The following ZNF777 variants were observed in gnomAD, a reference collection of about 807,000 sequenced individuals.
ZNF777 encodes the protein zinc finger protein 777.
In ZNF777, 7 loss-of-function variants were observed where a neutral mutation model predicts 72.1. The observed-to-expected ratio is 0.10, with a 90% CI of 0.06 to 0.18. The LOEUF (loss-of-function observed/expected upper bound fraction) is 0.18, where lower values mean the gene tolerates loss of function less well. Ranked by LOEUF, ZNF777 falls within the 10% of genes least tolerant of loss-of-function variation. ZNF777 has a pLI of 1.00. For missense variants in ZNF777, 828 were observed against 1,128.6 expected (o/e 0.73, Z 3.82); for synonymous variants, 545 against 483.5 (o/e 1.13, Z -1.67).
rs761179282 is a variant in ZNF777, at chr7:149,451,025, CCCT to C, written c.1058_1060del (p.Glu353del). The C allele has an allele frequency of 1.2e-6, 2 of 1,613,812 alleles. No homozygotes were observed. Among genetic ancestry groups the C allele is most frequent in the African/African-American group, 2.7e-5 (2 of 74,936 alleles). On this transcript the variant is annotated inframe_deletion, in exon 4 of 6. Coordinates refer to ENST00000247930, the MANE Select transcript of ZNF777 (RefSeq NM_015694.3). ...AGCACTGGGATCTGTCGGCGTTTCG[CCCT>C]CCTCAGAGTCTTCCTGCTCCTGCAT...
chr7:149,435,685 C>T (rs528510013), intron 5 of ZNF777, among the ~76,000 whole-genome samples: 3 of 152,108 alleles, frequency 2.0e-5, no homozygotes, highest in Admixed American at 1.3e-4. Flanking sequence ...CACACATAAA[C>T]GAAACATCCA....
At position 149,455,392 on chromosome 7, in the gene ZNF777, C is replaced by T. The variant is rs1472517054; in HGVS notation, c.631G>A (p.Gly211Ser). The T allele has an allele frequency of 6.2e-7, 1 of 1,614,218 alleles. No individual in the cohort carries two copies. The highest frequency in any genetic ancestry group is 1.1e-5 in the South Asian group (1 of 91,086). The change falls in exon 2 of 6, where the codon GGC (glycine) becomes AGC (serine). Residue 211 changes from glycine (G) to serine (S), a missense_variant. Around this residue, in one of 12 missense-constraint regions of ZNF777, gnomAD observed 76 missense variants for 157.3 expected, o/e 0.48. Coordinates refer to ENST00000247930, the MANE Select transcript of ZNF777 (RefSeq NM_015694.3). The surrounding 1 kb of genome is among the most constrained non-coding windows in gnomAD (Gnocchi z 4.2). Reference sequence around the variant, plus strand: ...TTCTTTTCATTTGTCCCCGTCCTGCCTTCCAGGGTCAGTAGCCTCATGGCC... The same window carrying T: ...TTCTTTTCATTTGTCCCCGTCCTGCTTTCCAGGGTCAGTAGCCTCATGGCC... ...AQAMRLLTLE[G>S]RTGTNEKKIA...
In ZNF777 at chr7:149,451,060, C is replaced by G; in HGVS notation, c.1026G>C (p.Arg342=). Residue 342 remains arginine (R), a synonymous_variant, in exon 4 of 6, where the codon CGG becomes CGC. Transcript: ENST00000247930. ...DLMSQMERGE[R]PTMQEQEDSE... is the part of the protein sequence containing the mutation. ...AGTCTTCCTGCTCCTGCATGGTGGGCCGCTCCCCGCGCTCCATCTGTGACA... is the reference window on the plus strand; with the variant it reads ...AGTCTTCCTGCTCCTGCATGGTGGGGCGCTCCCCGCGCTCCATCTGTGACA... The G allele has an allele frequency of 6.2e-7, 1 of 1,613,984 alleles. No homozygotes were observed. The highest frequency in any genetic ancestry group is 1.3e-5 in the African/African-American group (1 of 75,030).
intron 4 of ZNF777, among the ~76,000 whole-genome samples, chr7:149,442,002 C>T (rs1563235628): frequency 6.6e-6 from 1 of 151,160 alleles, no homozygotes; most frequent in Non-Finnish European, 1.5e-5. Context: ...AAACTCCTGA[C>T]GTCAGGAGTT....
chr7:149,460,165 C>G lies in ZNF777; in HGVS notation c.-16+650G>C, dbSNP rs1186305916. ...CGGCCATGGCCCTGCGCTGTCCGGC[C>G]CGGGCCCCCGGAGTCGCCGCCGCTA... On this transcript the variant is annotated intron_variant, in intron 1 of 5. Transcript: ENST00000247930. The surrounding 1 kb of genome is among the most constrained non-coding windows in gnomAD (Gnocchi z 6.1). The G allele has an allele frequency of 1.1e-6, 1 of 950,560 alleles. No homozygotes were observed. Among genetic ancestry groups the G allele is most frequent in the Non-Finnish European group, 1.2e-6 (1 of 800,778 alleles). The allele number at this position is 950,560 out of a possible 1,614,324, so 58.9% of individuals were successfully genotyped here.
chr7:149,454,326 C>G (rs1799780463), intron 2 of ZNF777, 89 bp from the exon 3 acceptor site: 2 of 1,556,546 alleles, frequency 1.3e-6, no homozygotes, highest in South Asian at 2.3e-5. Context: ...ACTCCTGGCT[C>G]TGGGCCTTCA....
rs1799340606 is a variant in ZNF777, at chr7:149,432,739, G to A, written c.1533C>T (p.Pro511=). The change falls in exon 6 of 6, where the codon CCC becomes CCT. Residue 511 remains proline, a synonymous_variant. Transcript: ENST00000247930. The part of the protein sequence containing the change: ...ESPPPLQLGN[P]AVKRLAPSVH... ...CGGAGGGCGCCAGCCTTTTCACTGC[G>A]GGGTTTCCTAGCTGCAGGGGCGGGG... 6 of 1,611,908 alleles carry A rather than the reference G, an allele frequency of 3.7e-6. No homozygotes were observed. The highest frequency in any genetic ancestry group is 4.2e-6 in the Non-Finnish European group (5 of 1,178,536).
chr7:149,460,522 C>T lies in ZNF777; in HGVS notation c.-16+293G>A, dbSNP rs1209578069. 6.6e-6 allele frequency among the ~76,000 whole-genome samples: 1 copy of T among 151,220 alleles called. No homozygotes were observed. The highest frequency in any genetic ancestry group is 1.5e-5 in the Non-Finnish European group (1 of 67,790). The stretch of plus-strand genomic sequence containing the variant: ...CTCCGGCCCCGGCCCCGGCTGCGAG[C>T]TGCGCTGCCGTCCCGGCGCCTCTTT... On this transcript the variant is annotated intron_variant, in intron 1 of 5. Transcript: ENST00000247930. This position sits in a 1 kb window ranked among gnomAD's most constrained non-coding sequence, Gnocchi z 6.1.
At chr7:149,450,252 TGA>T (rs1250323843) in intron 4 of ZNF777, among the ~76,000 whole-genome samples, 1 of 152,180 alleles carries the variant, frequency 6.6e-6, no homozygotes, top group Non-Finnish European at 1.5e-5. Flanking sequence ...GCCTGCAGTG[TGA>T]GTGTGTGAGC....
At chr7:149,439,739 C>T (rs1301056272) in intron 4 of ZNF777, among the ~76,000 whole-genome samples, 1 of 152,154 alleles carries the variant, frequency 6.6e-6, no homozygotes, top group Non-Finnish European at 1.5e-5. Flanking sequence ...TTTAATTTTG[C>T]TTTCATTTCT....
rs1484086263 is a variant in ZNF777 at position 149,460,172 on chromosome 7, C to T, written c.-16+643G>A. On this transcript the variant is annotated intron_variant, in intron 1 of 5. Coordinates refer to ENST00000247930, the MANE Select transcript of ZNF777 (RefSeq NM_015694.3). The surrounding 1 kb of genome is among the most constrained non-coding windows in gnomAD (Gnocchi z 6.1). Reference sequence around the variant, plus strand: ...GGCCCTGCGCTGTCCGGCCCGGGCCCCCGGAGTCGCCGCCGCTACTGCCGC... The same window carrying T: ...GGCCCTGCGCTGTCCGGCCCGGGCCTCCGGAGTCGCCGCCGCTACTGCCGC... The T allele has an allele frequency of 7.8e-6, 7 of 896,396 alleles. No homozygotes were observed. Among genetic ancestry groups the T allele is most frequent in the Non-Finnish European group, 9.3e-6 (7 of 751,532 alleles). The allele number at this position is 896,396 out of a possible 1,614,324, so 55.5% of individuals were successfully genotyped here.
intron 4 of ZNF777, among the ~76,000 whole-genome samples, chr7:149,445,946 G>A (rs1343567925): frequency 3.9e-5 from 6 of 152,160 alleles, no homozygotes; most frequent in African/African-American, 1.4e-4. Flanking sequence ...AAGCAGGTGT[G>A]GGGGTGCAAA....
At chr7:149,453,964 G>C in intron 3 of ZNF777, 147 bp downstream of exon 3, 1 of 1,219,680 alleles carries the variant, frequency 8.2e-7, no homozygotes, top group South Asian at 1.5e-5. Flanking sequence ...ATATGAGGGC[G>C]TTTGCTTTAA....
intron 4 of ZNF777, among the ~76,000 whole-genome samples, chr7:149,448,537 A>ATATATATAAAAC (rs1563237731): frequency 7.2e-6 from 1 of 139,094 alleles, no homozygotes; most frequent in African/African-American, 2.8e-5. Flanking sequence ...ACATATAGTT[A>ATATATATAAAAC]TATATATAGT....
intron 3 of ZNF777, among the ~76,000 whole-genome samples, chr7:149,452,991 T>C (rs151280011): frequency 1.3e-5 from 2 of 152,238 alleles, no homozygotes; most frequent in Non-Finnish European, 2.9e-5. Flanking sequence ...CGTGGAACAC[T>C]GCACTGTCTT....
chr7:149,455,681 T>C lies in ZNF777; in HGVS notation c.342A>G (p.Glu114=), dbSNP rs1799813588. The part of the protein sequence containing the change: ...QYPPPAAAEQ[E]VSLLSHSPHH... ...GGGGGGAGTGGGAGAGAAGGGAGACTTCTTGTTCAGCAGCAGCTGGGGGTG... is the reference window on the plus strand; with the variant it reads ...GGGGGGAGTGGGAGAGAAGGGAGACCTCTTGTTCAGCAGCAGCTGGGGGTG... Residue 114 remains glutamate (E), a synonymous_variant, in exon 2 of 6, where the codon GAA becomes GAG. Coordinates refer to ENST00000247930, the MANE Select transcript of ZNF777 (RefSeq NM_015694.3). The surrounding 1 kb of genome is among the most constrained non-coding windows in gnomAD (Gnocchi z 4.2). The C allele has an allele frequency of 6.4e-7, 1 of 1,566,334 alleles. No individual in the cohort carries two copies. Among genetic ancestry groups the C allele is most frequent in the African/African-American group, 1.4e-5 (1 of 73,038 alleles).
chr7:149,448,882 C>T (rs1449901599), intron 4 of ZNF777, among the ~76,000 whole-genome samples: 1 of 151,938 alleles, frequency 6.6e-6, no homozygotes, highest in African/African-American at 2.4e-5. Context: ...ATCTCTTTGC[C>T]CTTGGGAAGC....
chr7:149,450,514 G>T (rs933229126), intron 4 of ZNF777, among the ~76,000 whole-genome samples: 1 of 152,090 alleles, frequency 6.6e-6, no homozygotes, highest in Admixed American at 6.5e-5. Flanking sequence ...TGAGCCACAC[G>T]GCCTCTGGTC....
chr7:149,440,673 G>GTTTTTTT (rs1554493243), intron 4 of ZNF777, among the ~76,000 whole-genome samples: 10 of 39,222 alleles, frequency 2.5e-4, no homozygotes, highest in Non-Finnish European at 2.4e-4. Context: ...TTGTTTTTTT[G>GTTTTTTT]TTTTTTTTTT....
Sources: gnomAD v4.1 joint callset for allele counts (sites outside exome capture counted in the v4.1 genomes callset) on GRCh38, gnomAD v4.1.1 for gene constraint, gnomAD v4.1.1 regional missense constraint, Gnocchi (gnomAD v3.1) non-coding constraint, MANE v1.5 for transcripts, NCBI Gene and HGNC (gene_info 2026-07-23, HGNC 2026-07-21) for gene names.